KIAA1328: variants seen among roughly 807,000 people sequenced by gnomAD.
KIAA1328 encodes the protein KIAA1328.
In KIAA1328, 52 loss-of-function variants were observed where a neutral mutation model predicts 68.1. The ratio of observed to expected loss-of-function variants is 0.76; its 90% CI spans 0.61 to 0.96. The LOEUF (loss-of-function observed/expected upper bound fraction) is 0.96, where lower values mean the gene tolerates loss of function less well. KIAA1328 is among the 40% of genes least tolerant of loss of function. The pLI is 0.00. For missense variants in KIAA1328, 641 were observed against 677.6 expected, an observed-to-expected ratio of 0.95 and a Z score of 0.60; for synonymous variants, 232 against 239.4, an observed-to-expected ratio of 0.97 and a Z score of 0.28.
chr18:37,062,062 C>T (rs1599123701), intron 6 of KIAA1328, among the ~76,000 whole-genome samples: 1 of 152,114 alleles, frequency 6.6e-6, no homozygotes, highest in South Asian at 2.1e-4. Context: ...TCATTTAATC[C>T]TTACAAGAAC....
At position 37,094,650 on chromosome 18, in the gene KIAA1328, A is replaced by C. The variant is rs145978399; in HGVS notation, c.1232+27105A>C. On this transcript the variant is annotated intron_variant, in intron 7 of 9. Transcript: ENST00000280020. ...AAGGCACCAAGTTGTAATGATAACA[A>C]AAAAGAAAGAGAAGAACAAATGATA... Among the ~76,000 whole-genome samples the C allele has an allele frequency of 2.0e-3, 309 of 152,334 alleles. 1 individual carries two copies. The highest frequency in any genetic ancestry group is 7.1e-3 in the African/African-American group (294 of 41,568).
intron 4 of KIAA1328, among the ~76,000 whole-genome samples, chr18:36,870,926 G>A (rs146022528): frequency 2.0e-5 from 3 of 152,262 alleles, no homozygotes; most frequent in Admixed American, 6.5e-5. Flanking sequence ...TGCCCAAGGG[G>A]CTCCCCACTC....
At chr18:36,839,382 T>C (rs59065432) in intron 3 of KIAA1328, among the ~76,000 whole-genome samples, 19,500 of 152,224 alleles carry the variant, frequency 0.13, 1,558 homozygotes, top group Admixed American at 0.17. Flanking sequence ...AACAATGTAG[T>C]TTTATCTTTA....
chr18:37,221,973 T>C lies in KIAA1328; in HGVS notation c.1524-44T>C, dbSNP rs746608624. 3 of 1,575,968 alleles carry C rather than the reference T, an allele frequency of 1.9e-6. No homozygotes were observed. The South Asian group carries it at 3.5e-5, about 18-fold the overall frequency. On this transcript the variant is annotated intron_variant, in intron 9 of 9. Coordinates refer to ENST00000280020, the MANE Select transcript of KIAA1328 (RefSeq NM_020776.3). ...TGCTGGGCTTCTTGAATTCTCATTT[T>C]CTAATAATCTGATCCTTTCCTGTCT...
At chr18:37,119,105 A>G (rs925838897) in intron 7 of KIAA1328, among the ~76,000 whole-genome samples, 6 of 152,230 alleles carry the variant, frequency 3.9e-5, no homozygotes, top group Admixed American at 2.6e-4. Context: ...TGAACTGCCA[A>G]TATTGTGGAT....
downstream of KIAA1328, chr18:37,229,429 G>T (rs1238897899): frequency 1.9e-5 from 9 of 470,880 alleles, no homozygotes; most frequent in Admixed American, 2.6e-4. Flanking sequence ...AAACTTGAGG[G>T]TGATTTTTTG....
chr18:37,080,822 G>T (rs2056924713), intron 7 of KIAA1328, among the ~76,000 whole-genome samples: 1 of 151,404 alleles, frequency 6.6e-6, no homozygotes, highest in Admixed American at 6.6e-5. Context: ...GCTGGTTTCT[G>T]GTGCCTTTGT....
intron 7 of KIAA1328, among the ~76,000 whole-genome samples, chr18:37,145,745 T>A (rs1020521945): frequency 3.9e-5 from 6 of 152,242 alleles, no homozygotes; most frequent in Admixed American, 6.5e-5. Context: ...TAATATTTAA[T>A]GTATTTGATA....
At chr18:36,896,983 G>T (rs2048886632) in intron 5 of KIAA1328, among the ~76,000 whole-genome samples, 1 of 151,894 alleles carries the variant, frequency 6.6e-6, no homozygotes, top group Non-Finnish European at 1.5e-5. Context: ...GATTTAGATG[G>T]TAATACTCTC....
chr18:37,167,359 G>T (rs952579263), intron 8 of KIAA1328, among the ~76,000 whole-genome samples: 1 of 152,196 alleles, frequency 6.6e-6, no homozygotes, highest in African/African-American at 2.4e-5. Context: ...TCTTGCCTTA[G>T]TGTACTGGAA....
chr18:37,095,274 A>G (rs918004688), intron 7 of KIAA1328, among the ~76,000 whole-genome samples: 2 of 152,224 alleles, frequency 1.3e-5, no homozygotes, highest in African/African-American at 2.4e-5. Flanking sequence ...CAACTACAGA[A>G]TATGCATTCT....
intron 2 of KIAA1328, 81 bp downstream of exon 2, chr18:36,834,436 T>A (rs2046603190): frequency 8.0e-7 from 1 of 1,253,574 alleles, no homozygotes; most frequent in Non-Finnish European, 1.1e-6. Flanking sequence ...TAGAACAATG[T>A]TGCGGGTATA....
chr18:36,889,851 C>T (rs550340740), intron 5 of KIAA1328, among the ~76,000 whole-genome samples: 56 of 152,240 alleles, frequency 3.7e-4, no homozygotes, highest in African/African-American at 1.3e-3. Flanking sequence ...TTAGATTATG[C>T]AAGGGTTAGG....
intron 5 of KIAA1328, among the ~76,000 whole-genome samples, chr18:36,891,799 CT>C (rs1261258156): frequency 1.3e-5 from 2 of 152,072 alleles, no homozygotes; most frequent in African/African-American, 4.8e-5. Context: ...CATATAATGG[CT>C]TGTTTTCCTT....
intron 7 of KIAA1328, among the ~76,000 whole-genome samples, chr18:37,116,612 A>G (rs2058116039): frequency 6.6e-6 from 1 of 152,240 alleles, no homozygotes; most frequent in South Asian, 2.1e-4. Flanking sequence ...CAAGGACTTT[A>G]TGACTAAAAC....
chr18:37,134,261 T>G (rs568134116), intron 7 of KIAA1328, among the ~76,000 whole-genome samples: 16 of 152,182 alleles, frequency 1.1e-4, no homozygotes, highest in Non-Finnish European at 1.9e-4. Flanking sequence ...TCTGCCATCC[T>G]CAGCCTCCTA....
intron 7 of KIAA1328, among the ~76,000 whole-genome samples, chr18:37,135,655 T>C (rs1242299444): frequency 2.0e-5 from 3 of 152,240 alleles, no homozygotes. Flanking sequence ...ACTCTGTTGA[T>C]AGTTTCCTTT....
At chr18:37,019,698 G>T (rs2054275417) in intron 6 of KIAA1328, among the ~76,000 whole-genome samples, 1 of 152,232 alleles carries the variant, frequency 6.6e-6, no homozygotes, top group African/African-American at 2.4e-5. Context: ...AACAGAGAAG[G>T]CCCCATGCAC....
chr18:36,875,053 A>G (rs868425648), intron 4 of KIAA1328, among the ~76,000 whole-genome samples: 1 of 152,188 alleles, frequency 6.6e-6, no homozygotes, highest in African/African-American at 2.4e-5. Flanking sequence ...TAGCAGTACC[A>G]TGCTGTTTTG....
Sources: allele counts gnomAD v4.1 joint callset (sites outside exome capture counted in the v4.1 genomes callset), GRCh38; gene constraint gnomAD v4.1.1; transcripts MANE v1.5; gene names NCBI Gene and HGNC (gene_info 2026-07-23, HGNC 2026-07-21).